Variants in MUSK observed in about 807,000 individuals in gnomAD.
The protein encoded by MUSK is muscle associated receptor tyrosine kinase.
A neutral mutation model predicts 88.7 loss-of-function variants in MUSK; 55 were observed. That is an observed-to-expected ratio of 0.62 (90% confidence interval 0.50 to 0.78). MUSK has a LOEUF of 0.78. Ranked by LOEUF, MUSK falls within the 30% of genes least tolerant of loss-of-function variation. The probability of loss-of-function intolerance (pLI) is 0.00; values close to 1 mark genes in which losing one functional copy is unlikely to be tolerated. For missense variants in MUSK, 1,015 were observed against 1,074.3 expected (o/e 0.94, Z 0.77); for synonymous variants, 387 against 391.9 (o/e 0.99, Z 0.15).
chr9:110,703,001 G>GA (rs1438894087), intron 5 of MUSK, among the ~76,000 whole-genome samples: 1 of 151,410 alleles, frequency 6.6e-6, no homozygotes, highest in Non-Finnish European at 1.5e-5. Context: ...AATTTAACAA[G>GA]AAAAAAAAGC....
intron 11 of MUSK, among the ~76,000 whole-genome samples, chr9:110,783,995 C>T (rs1406121575): frequency 6.6e-6 from 1 of 151,912 alleles, no homozygotes; most frequent in Non-Finnish European, 1.5e-5. Context: ...GCACTTTGGC[C>T]ATTAAGTAGA....
intron 2 of MUSK, among the ~76,000 whole-genome samples, chr9:110,684,120 G>T (rs898952890): frequency 6.6e-6 from 1 of 152,040 alleles, no homozygotes; most frequent in African/African-American, 2.4e-5. Context: ...TGAAGTCTTA[G>T]ATTTAAATCT....
At chr9:110,789,656 G>T (rs1290006469) in intron 14 of MUSK, among the ~76,000 whole-genome samples, 1 of 152,152 alleles carries the variant, frequency 6.6e-6, no homozygotes, top group Non-Finnish European at 1.5e-5. Context: ...GCACACGCTT[G>T]TAATCCCAGC....
chr9:110,733,784 G>A (rs549439666), intron 5 of MUSK, among the ~76,000 whole-genome samples: 19 of 152,154 alleles, frequency 1.2e-4, no homozygotes, highest in Non-Finnish European at 2.5e-4. Flanking sequence ...AATGGGAAAG[G>A]GGAATAATAG....
At chr9:110,688,681 G>C (rs940844299) in intron 3 of MUSK, among the ~76,000 whole-genome samples, 1 of 151,482 alleles carries the variant, frequency 6.6e-6, no homozygotes, top group Non-Finnish European at 1.5e-5. Context: ...TGTTCCCATC[G>C]TTAGCTCCCA....
chr9:110,729,111 C>A, intron 5 of MUSK, among the ~76,000 whole-genome samples: 1 of 151,408 alleles, frequency 6.6e-6, no homozygotes, highest in Admixed American at 6.6e-5. Flanking sequence ...GTTAGGATGT[C>A]AAGGTGCCAA....
chr9:110,676,660 T>C (rs2076034501), intron 1 of MUSK, among the ~76,000 whole-genome samples: 2 of 152,130 alleles, frequency 1.3e-5, no homozygotes, highest in Admixed American at 1.3e-4. Flanking sequence ...TTTGCTTTTC[T>C]GTTCCTGCAT....
intron 1 of MUSK, among the ~76,000 whole-genome samples, chr9:110,681,053 T>TATATA (rs2076112316): frequency 8.2e-5 from 3 of 36,366 alleles, no homozygotes; most frequent in Admixed American, 3.6e-4. Flanking sequence ...ATATATATTA[T>TATATA]ATATTATATA....
chr9:110,722,221 A>T (rs953278646), intron 5 of MUSK, among the ~76,000 whole-genome samples: 21 of 152,138 alleles, frequency 1.4e-4, no homozygotes, highest in Admixed American at 2.6e-4. Context: ...CAAATGCAAC[A>T]AAAACAAAGA....
At chr9:110,694,215 CAAAAA>C (rs1217917603) in intron 3 of MUSK, among the ~76,000 whole-genome samples, 10 of 72,108 alleles carry the variant, frequency 1.4e-4, no homozygotes, top group East Asian at 3.7e-4. Flanking sequence ...ACTAAAAATA[CAAAAA>C]AAAAAAAAAA....
intron 14 of MUSK, among the ~76,000 whole-genome samples, chr9:110,790,520 T>C (rs1269388356): frequency 1.3e-5 from 2 of 152,188 alleles, no homozygotes; most frequent in East Asian, 3.9e-4. Context: ...TGAGAGGGAA[T>C]GGAATCTTGG....
chr9:110,782,065 A>G (rs2077769484), intron 11 of MUSK, among the ~76,000 whole-genome samples: 1 of 152,086 alleles, frequency 6.6e-6, no homozygotes, highest in Admixed American at 6.6e-5. Flanking sequence ...TTATTTCTCC[A>G]TTTATTCACT....
intron 6 of MUSK, among the ~76,000 whole-genome samples, chr9:110,734,958 T>C (rs1248792065): frequency 1.3e-5 from 2 of 152,120 alleles, no homozygotes; most frequent in South Asian, 2.1e-4. Flanking sequence ...CAAAGTTCTC[T>C]GCCCTCAAAG....
At chr9:110,782,541 A>G (rs576541259) in intron 11 of MUSK, among the ~76,000 whole-genome samples, 2 of 152,336 alleles carry the variant, frequency 1.3e-5, no homozygotes, top group South Asian at 4.1e-4. Context: ...GTGAAATTAC[A>G]CTACCAACTT....
In MUSK at chr9:110,716,350, A is replaced by G. The variant is rs555169445; in HGVS notation, c.629-17901A>G. On this transcript the variant is annotated intron_variant, in intron 5 of 14. Coordinates refer to ENST00000374448, the MANE Select transcript of MUSK (RefSeq NM_005592.4). ...TTCTTATTTTCTAAAATTTTCACAA[A>G]TCATCTTAAACATTAATGCTGTCAC... Among the ~76,000 whole-genome samples the G allele has an allele frequency of 4.2e-4, 63 of 149,952 alleles. 2 individuals are homozygous for G. Among genetic ancestry groups the G allele is most frequent in the Non-Finnish European group, 6.8e-4 (46 of 67,948 alleles).
chr9:110,760,111 TG>T (rs2077376717), intron 7 of MUSK, among the ~76,000 whole-genome samples: 1 of 152,302 alleles, frequency 6.6e-6, no homozygotes, highest in East Asian at 1.9e-4. Context: ...ACACTGCTGC[TG>T]GTGGTGTAAA....
intron 5 of MUSK, 46 bp from the exon 6 acceptor site, chr9:110,734,205 C>T (rs751633653): frequency 6.4e-7 from 1 of 1,574,516 alleles, no homozygotes; most frequent in Non-Finnish European, 8.6e-7. Context: ...CCTAGCTTGA[C>T]CATTTCCTGC....
At chr9:110,780,969 T>C (rs992862787) in intron 11 of MUSK, among the ~76,000 whole-genome samples, 1 of 152,142 alleles carries the variant, frequency 6.6e-6, no homozygotes, top group African/African-American at 2.4e-5. Flanking sequence ...CTATTCCACC[T>C]CGTAAAACAC....
intron 11 of MUSK, among the ~76,000 whole-genome samples, chr9:110,782,508 A>G (rs145664072): frequency 6.6e-6 from 1 of 152,332 alleles, no homozygotes; most frequent in African/African-American, 2.4e-5. Flanking sequence ...TTCTTTTTAG[A>G]AAAACTAACC....
Sources: gnomAD v4.1 joint callset for allele counts (sites outside exome capture counted in the v4.1 genomes callset) on GRCh38, gnomAD v4.1.1 for gene constraint, MANE v1.5 for transcripts, NCBI Gene and HGNC (gene_info 2026-07-23, HGNC 2026-07-21) for gene names.